Variants in IL17RD observed in about 807,000 individuals in gnomAD.
IL17RD encodes interleukin-17 receptor D.
In IL17RD, 52 loss-of-function variants were observed where a neutral mutation model predicts 80.5. The observed-to-expected ratio is 0.65, with a 90% CI of 0.52 to 0.81. The LOEUF (loss-of-function observed/expected upper bound fraction) is 0.81, where lower values mean the gene tolerates loss of function less well. Ranked by LOEUF, IL17RD falls within the 40% of genes least tolerant of loss-of-function variation. The pLI, the probability that IL17RD is intolerant of heterozygous loss-of-function variation, is 0.00. For missense variants in IL17RD, 1,024 were observed against 955.1 expected (o/e 1.07, Z -0.95); for synonymous variants, 416 against 391.8 (o/e 1.06, Z -0.73).
At chr3:57,099,915 A>G (rs1159509847) in intron 11 of IL17RD, among the ~76,000 whole-genome samples, 1 of 152,246 alleles carries the variant, frequency 6.6e-6, no homozygotes, top group Non-Finnish European at 1.5e-5. Flanking sequence ...AATCATTTCA[A>G]TCAGCCCCAA....
intron 3 of IL17RD, among the ~76,000 whole-genome samples, chr3:57,113,500 G>A (rs938224779): frequency 1.3e-5 from 2 of 152,066 alleles, no homozygotes; most frequent in Non-Finnish European, 1.5e-5. Flanking sequence ...GCCTCCCTAA[G>A]TGCTGGAATT....
rs944633516 is a variant in IL17RD, at chr3:57,095,939, T to C, written c.*454A>G. On this transcript the variant is annotated 3_prime_UTR_variant, in exon 13 of 13. Transcript: ENST00000296318. ...TCTGCAATACAACATGGATTCCAGA[T>C]AGACTGGCACTTGATTTCTGTGGCT... 11 of 160,514 alleles carry C rather than the reference T, an allele frequency of 6.9e-5. No individual in the cohort carries two copies. Among genetic ancestry groups the C allele is most frequent in the Admixed American group, 6.7e-4 (11 of 16,408 alleles). The allele number at this position is 160,514 out of a possible 1,614,324, so 9.9% of individuals were successfully genotyped here.
chr3:57,159,023 T>C (rs566276573), intron 1 of IL17RD, among the ~76,000 whole-genome samples: 1 of 152,294 alleles, frequency 6.6e-6, no homozygotes, highest in South Asian at 2.1e-4. Context: ...CACCAAAGGG[T>C]TTCCAACTCA....
chr3:57,167,899 TG>T (rs2060354816), upstream of IL17RD, among the ~76,000 whole-genome samples: 1 of 152,166 alleles, frequency 6.6e-6, no homozygotes, highest in South Asian at 2.1e-4. Context: ...GATGCAATCT[TG>T]GCTCACTGCA....
intron 1 of IL17RD, among the ~76,000 whole-genome samples, chr3:57,148,498 A>G (rs1304151786): frequency 6.6e-6 from 1 of 152,236 alleles, no homozygotes; most frequent in African/African-American, 2.4e-5. Flanking sequence ...AATTTATTTA[A>G]GAACACATAT....
intron 2 of IL17RD, among the ~76,000 whole-genome samples, chr3:57,115,437 C>T (rs1454018224): frequency 6.6e-6 from 1 of 152,152 alleles, no homozygotes; most frequent in Admixed American, 6.5e-5. Flanking sequence ...CAGCAACCCC[C>T]AGTAAATCCA....
Position 57,098,320 on chromosome 3 carries a change from G to A in IL17RD, c.1383C>T (p.Leu461=), listed in dbSNP as rs183951583. The change falls in exon 12 of 13, where the codon CTC becomes CTT. Residue 461 remains leucine (L), a synonymous_variant. Coordinates refer to ENST00000296318, the MANE Select transcript of IL17RD (RefSeq NM_017563.5). ...LVAVSAIAEK[L]RQAKQSSSAA... ...CGGACGAACTCTGCTTGGCCTGGCG[G>A]AGCTTTTCGGCAATGGCTGACACCG... 397 of 1,614,014 alleles carry A rather than the reference G, an allele frequency of 2.5e-4. No homozygotes were observed. The East Asian group carries it at 7.3e-3, about 30-fold the overall frequency.
At chr3:57,110,074 CT>C in intron 4 of IL17RD, 118 bp downstream of exon 4, 1 of 1,181,898 alleles carries the variant, frequency 8.5e-7, no homozygotes, top group Admixed American at 2.2e-5. Context: ...TCTTGCCCAC[CT>C]TGGCGGGTGG....
At chr3:57,160,055 C>T (rs1021934420) in intron 1 of IL17RD, among the ~76,000 whole-genome samples, 2 of 152,070 alleles carry the variant, frequency 1.3e-5, no homozygotes, top group African/African-American at 4.8e-5. Flanking sequence ...GCCTGTAATC[C>T]CAACTACTCG....
Position 57,098,464 on chromosome 3 carries a change from G to A in IL17RD, c.1239C>T (p.His413=), listed in dbSNP as rs751029184. The change falls in exon 12 of 13, where the codon CAC becomes CAT. Residue 413 remains histidine (H), a synonymous_variant. Coordinates refer to ENST00000296318, the MANE Select transcript of IL17RD (RefSeq NM_017563.5). ...GQREWVIQKI[H]ESQFIIVVCS... is the part of the protein sequence containing the mutation. Reference sequence around the variant, plus strand: ...AAACCACAATGATGAACTGGGACTCGTGGATCTTCTGGATGACCCATTCTC... The same window carrying A: ...AAACCACAATGATGAACTGGGACTCATGGATCTTCTGGATGACCCATTCTC... The A allele has an allele frequency of 9.9e-6, 16 of 1,613,772 alleles. No homozygotes were observed. The East Asian group carries it at 2.2e-4, about 22-fold the overall frequency.
intron 1 of IL17RD, among the ~76,000 whole-genome samples, chr3:57,145,917 A>G (rs1579310519): frequency 2.0e-5 from 3 of 152,162 alleles, no homozygotes; most frequent in Admixed American, 1.3e-4. Context: ...TTCTAGCCCA[A>G]GATCGGGATT....
chr3:57,152,302 C>T (rs941191999), intron 1 of IL17RD, among the ~76,000 whole-genome samples: 2 of 152,240 alleles, frequency 1.3e-5, no homozygotes, highest in African/African-American at 2.4e-5. Context: ...GCATCTAAAT[C>T]GCTGCTTTCT....
intron 1 of IL17RD, 70 bp downstream of exon 1, chr3:57,165,091 C>A: frequency 7.1e-7 from 1 of 1,401,742 alleles, no homozygotes; most frequent in Non-Finnish European, 9.2e-7. Flanking sequence ...CTCGCCTCCC[C>A]GCGAGCACCT....
intron 12 of IL17RD, among the ~76,000 whole-genome samples, chr3:57,097,300 T>C (rs1706700408): frequency 6.6e-6 from 1 of 152,208 alleles, no homozygotes; most frequent in African/African-American, 2.4e-5. Flanking sequence ...CAATGTGTTT[T>C]CGTGTCTGAT....
intron 1 of IL17RD, among the ~76,000 whole-genome samples, chr3:57,137,420 T>A (rs146809064): frequency 5.9e-5 from 9 of 152,270 alleles, no homozygotes; most frequent in Non-Finnish European, 1.3e-4. Flanking sequence ...GGAAAAGGTC[T>A]CTGATACAGG....
At chr3:57,167,254 AG>A (rs2060352423), upstream of IL17RD, among the ~76,000 whole-genome samples, 1 of 151,840 alleles carries the variant, frequency 6.6e-6, no homozygotes, top group Non-Finnish European at 1.5e-5. Context: ...AGACCCAGTG[AG>A]GTTTACCATA....
At chr3:57,152,208 C>A (rs1455144548) in intron 1 of IL17RD, among the ~76,000 whole-genome samples, 1 of 152,156 alleles carries the variant, frequency 6.6e-6, no homozygotes, top group African/African-American at 2.4e-5. Context: ...CCAAAGCATA[C>A]CCTCACCCGA....
chr3:57,126,299 T>G (rs1707457724), intron 1 of IL17RD, among the ~76,000 whole-genome samples: 1 of 152,178 alleles, frequency 6.6e-6, no homozygotes, highest in Non-Finnish European at 1.5e-5. Context: ...AGTGCTGCTA[T>G]GAAATTCCTT....
rs1559470096 is a variant in IL17RD at position 57,109,389 on chromosome 3, C to T, written c.550+148G>A. 19 of 707,114 alleles carry T rather than the reference C, an allele frequency of 2.7e-5. No homozygotes were observed. The South Asian group carries it at 3.0e-4, about 11-fold the overall frequency. 43.8% of individuals were successfully genotyped at this position (707,114 alleles called of 1,614,324 possible). Reference sequence around the variant, plus strand: ...CTCGAACTCCTGACCTTGTGATCTGCCTGCCTCGGCCTCCCAAAGTGCTGG... The same window carrying T: ...CTCGAACTCCTGACCTTGTGATCTGTCTGCCTCGGCCTCCCAAAGTGCTGG... On this transcript the variant is annotated intron_variant, in intron 5 of 12. Coordinates refer to ENST00000296318, the MANE Select transcript of IL17RD (RefSeq NM_017563.5).
Sources: allele counts gnomAD v4.1 joint callset (sites outside exome capture counted in the v4.1 genomes callset), GRCh38; gene constraint gnomAD v4.1.1; transcripts MANE v1.5; gene names NCBI Gene and HGNC (gene_info 2026-07-23, HGNC 2026-07-21).